The following DMGDH variants were observed in gnomAD, a reference collection of about 807,000 sequenced individuals.
DMGDH encodes dimethylglycine dehydrogenase.
A neutral mutation model predicts 95.2 loss-of-function variants in DMGDH; 76 were observed. That is an observed-to-expected ratio of 0.80 (90% CI 0.66 to 0.97). DMGDH has a LOEUF of 0.97. DMGDH is among the 50% of genes least tolerant of loss of function. The pLI is 0.00. For missense variants in DMGDH, 987 were observed against 1,055.0 expected, an observed-to-expected ratio of 0.94 and a Z score of 0.89; for synonymous variants, 345 against 377.6, an observed-to-expected ratio of 0.91 and a Z score of 1.00.
At position 79,044,699 on chromosome 5, in the gene DMGDH, T is replaced by C. The variant is rs1754619527; in HGVS notation, c.746-147A>G. ...TAAATGTCATAACAATCTAAACTTTTGTCATTGCAAAACTGAATGGGGGAA... is the reference window on the plus strand; with the variant it reads ...TAAATGTCATAACAATCTAAACTTTCGTCATTGCAAAACTGAATGGGGGAA... On this transcript the variant is annotated intron_variant, in intron 5 of 15. Coordinates refer to ENST00000255189, the MANE Select transcript of DMGDH (RefSeq NM_013391.3). 1.9e-5 allele frequency: 18 copies of C among 930,198 alleles called. No individual in the cohort carries two copies. The South Asian group carries it at 1.9e-4, about 10-fold the overall frequency. The allele number at this position is 930,198 out of a possible 1,614,324, so 57.6% of individuals were successfully genotyped here. A position where few individuals can be genotyped will look rare whatever the true frequency, so the allele number is the denominator to read the frequency against.
intron 7 of DMGDH, among the ~76,000 whole-genome samples, chr5:79,034,289 A>C (rs1453611596): frequency 1.3e-5 from 2 of 152,228 alleles, no homozygotes; most frequent in Non-Finnish European, 2.9e-5. Flanking sequence ...ACTTGTGGAA[A>C]GAGGTAGAAA....
chr5:79,054,472 C>G, intron 3 of DMGDH, 124 bp from the exon 4 acceptor site: 7 of 992,492 alleles, frequency 7.1e-6, no homozygotes, highest in Non-Finnish European at 1.1e-5. Flanking sequence ...AAAGAAATAA[C>G]TATTAAAATA....
At chr5:79,039,365 A>G (rs1329031080) in intron 7 of DMGDH, among the ~76,000 whole-genome samples, 2 of 152,120 alleles carry the variant, frequency 1.3e-5, no homozygotes, top group Non-Finnish European at 2.9e-5. Flanking sequence ...ACACCATGGA[A>G]TACTATGCAG....
At chr5:79,050,260 AAAAAAAAAAAAAAATATAT>A (rs1475602025) in intron 5 of DMGDH, among the ~76,000 whole-genome samples, 68 of 58,976 alleles carry the variant, frequency 1.2e-3, no homozygotes, top group African/African-American at 4.0e-3. Flanking sequence ...AAAAAAAAAA[AAAAAAAAAAAAAAATATAT>A]ATATATATAT....
At chr5:79,011,246 A>G (rs925651773) in intron 14 of DMGDH, among the ~76,000 whole-genome samples, 2 of 152,228 alleles carry the variant, frequency 1.3e-5, no homozygotes, top group Non-Finnish European at 2.9e-5. Context: ...GGAGTCTTAA[A>G]GCAAGCAGAA....
intron 14 of DMGDH, among the ~76,000 whole-genome samples, chr5:79,019,199 C>T (rs1753803728): frequency 6.6e-6 from 1 of 152,074 alleles, no homozygotes; most frequent in Non-Finnish European, 1.5e-5. Flanking sequence ...CTGGGCCACG[C>T]AGTTAGAATT....
intron 7 of DMGDH, among the ~76,000 whole-genome samples, chr5:79,033,863 T>G (rs533672153): frequency 4.4e-4 from 67 of 152,222 alleles, no homozygotes; most frequent in Admixed American, 1.3e-3. Flanking sequence ...GCCTAGGCGG[T>G]AGAGGCTGCA....
chr5:79,028,277 T>C (rs911040833), intron 12 of DMGDH, among the ~76,000 whole-genome samples, 156 bp downstream of exon 12: 3 of 152,164 alleles, frequency 2.0e-5, no homozygotes, highest in Non-Finnish European at 4.4e-5. Context: ...AACAAAAATC[T>C]TCCTCCAAAG....
rs745573308 is a variant in DMGDH, at chr5:79,051,339, G to A, written c.693C>T (p.Asp231=). ...SLKARSDGTW[D]VETPQGSMRA... ...TCATAGACCCCTGTGGTGTTTCAACGTCCCATGTTCCATCTGACCTGGCTT... is the reference window on the plus strand; with the variant it reads ...TCATAGACCCCTGTGGTGTTTCAACATCCCATGTTCCATCTGACCTGGCTT... Residue 231 remains aspartate (D), a synonymous_variant, in exon 5 of 16, where the codon GAC becomes GAT. Coordinates refer to ENST00000255189, the MANE Select transcript of DMGDH (RefSeq NM_013391.3). 1.5e-5 allele frequency: 24 copies of A among 1,613,988 alleles called. No individual in the cohort carries two copies. Among genetic ancestry groups the A allele is most frequent in the Middle Eastern group, 1.6e-4 (1 of 6,082 alleles).
chr5:78,999,876 T>C (rs1753424740), intron 15 of DMGDH, among the ~76,000 whole-genome samples: 1 of 152,024 alleles, frequency 6.6e-6, no homozygotes, highest in East Asian at 1.9e-4. Flanking sequence ...TTTTTTTTTT[T>C]TTTTCTGGTG....
chr5:79,007,269 T>C (rs1561206616), intron 14 of DMGDH, among the ~76,000 whole-genome samples: 1 of 152,192 alleles, frequency 6.6e-6, no homozygotes, highest in Non-Finnish European at 1.5e-5. Context: ...CTTTAAGCTG[T>C]GGAGGTCCAC....
At chr5:79,021,500 G>C in intron 14 of DMGDH, 1 of 1,268,658 alleles carries the variant, frequency 7.9e-7, no homozygotes, top group African/African-American at 1.5e-5. Context: ...AAGACGGAAG[G>C]AAGCAAGGGC....
At chr5:79,041,330 A>G (rs1754501090) in intron 7 of DMGDH, among the ~76,000 whole-genome samples, 1 of 152,222 alleles carries the variant, frequency 6.6e-6, no homozygotes, top group African/African-American at 2.4e-5. Flanking sequence ...ATTATACATT[A>G]GTTGAATAAA....
chr5:79,051,397 AG>A lies in DMGDH; in HGVS notation c.634del (p.Leu212PhefsTer2). On this transcript the variant is annotated frameshift_variant, in exon 5 of 16. Coordinates refer to ENST00000255189, the MANE Select transcript of DMGDH (RefSeq NM_013391.3). LOFTEE classifies it high-confidence loss of function. ...AGTTACTGGTGCAGGATATTTTAAA[AG>A]GGCACCACATTTCCTAGCCCCAGCA... is the stretch of plus-strand genomic sequence containing the variant. ...LAAGARKCGA[L>X]LKYPAPVTSL... The A allele has an allele frequency of 1.2e-6, 2 of 1,614,162 alleles. No individual in the cohort carries two copies. The highest frequency in any genetic ancestry group is 2.2e-5 in the South Asian group (2 of 91,084).
At chr5:79,041,777 C>G (rs1202817733) in intron 7 of DMGDH, among the ~76,000 whole-genome samples, 1 of 151,948 alleles carries the variant, frequency 6.6e-6, no homozygotes, top group Non-Finnish European at 1.5e-5. Flanking sequence ...GGCAGATTGC[C>G]TGAGGTCAGG....
intron 5 of DMGDH, among the ~76,000 whole-genome samples, chr5:79,046,878 GA>G (rs1300992325): frequency 2.0e-5 from 3 of 152,004 alleles, no homozygotes; most frequent in Admixed American, 1.3e-4. Flanking sequence ...AACATAAATT[GA>G]AAAAAATAAG....
At chr5:79,038,991 A>G (rs1185522261) in intron 7 of DMGDH, among the ~76,000 whole-genome samples, 1 of 151,666 alleles carries the variant, frequency 6.6e-6, no homozygotes, top group African/African-American at 2.4e-5. Flanking sequence ...AGAAATGCAA[A>G]TCAAAACCAC....
At chr5:79,054,142 A>G in intron 4 of DMGDH, 42 bp downstream of exon 4, 1 of 1,604,994 alleles carries the variant, frequency 6.2e-7, no homozygotes, top group South Asian at 1.1e-5. Context: ...TCTAATTTTT[A>G]CTTAAGTCAA....
intron 14 of DMGDH, among the ~76,000 whole-genome samples, chr5:79,013,434 A>G (rs1312812879): frequency 6.6e-6 from 1 of 152,098 alleles, no homozygotes; most frequent in Non-Finnish European, 1.5e-5. Context: ...GGGAGTTTCA[A>G]ACCTTCTCTC....
Sources: allele counts gnomAD v4.1 joint callset (sites outside exome capture counted in the v4.1 genomes callset), GRCh38; gene constraint gnomAD v4.1.1; transcripts MANE v1.5; gene names NCBI Gene and HGNC (gene_info 2026-07-23, HGNC 2026-07-21).